Variants in HDAC8 observed in about 807,000 individuals in gnomAD.
HDAC8 encodes the protein histone deacetylase 8.
HDAC8 carries 1 observed loss-of-function variant against 32.2 expected under a neutral mutation model. The ratio of observed to expected loss-of-function variants is 0.03; its 90% CI spans 0.01 to 0.15. The LOEUF is 0.15. HDAC8 is among the 10% of genes least tolerant of loss of function. The probability of loss-of-function intolerance (pLI) is 1.00; values close to 1 mark genes in which losing one functional copy is unlikely to be tolerated. For missense variants in HDAC8, 117 were observed against 300.0 expected, an observed-to-expected ratio of 0.39 and a Z score of 4.51; for synonymous variants, 108 against 113.9, an observed-to-expected ratio of 0.95 and a Z score of 0.33.
At chrX:72,385,736 A>T (rs1473771596) in intron 9 of HDAC8, among the ~76,000 whole-genome samples, 3 of 111,832 alleles carry the variant, frequency 2.7e-5, no homozygotes, top group Non-Finnish European at 5.6e-5. Context: ...AATCCACACA[A>T]CAACCCTATG....
At chrX:72,446,494 G>A (rs782642359) in intron 9 of HDAC8, among the ~76,000 whole-genome samples, 234 of 109,842 alleles carry the variant, frequency 2.1e-3, no homozygotes, top group Non-Finnish European at 4.0e-3. Flanking sequence ...ATGAGAACAC[G>A]TGGACACAGG....
intron 9 of HDAC8, among the ~76,000 whole-genome samples, chrX:72,404,907 A>G (rs1304315328): frequency 9.0e-6 from 1 of 111,131 alleles, no homozygotes; most frequent in African/African-American, 3.3e-5. Flanking sequence ...TGTTGTTTTC[A>G]GAAATTCTGG....
At chrX:72,332,688 G>A (rs1017141784) in intron 10 of HDAC8, among the ~76,000 whole-genome samples, 5 of 107,077 alleles carry the variant, frequency 4.7e-5, no homozygotes, top group African/African-American at 1.4e-4. Context: ...GTCTCACTCT[G>A]TCACCCAGGC....
chrX:72,334,956 C>T (rs1472379886), intron 10 of HDAC8, among the ~76,000 whole-genome samples: 3 of 112,330 alleles, frequency 2.7e-5, no homozygotes, highest in Non-Finnish European at 3.8e-5. Flanking sequence ...GGCGTGTCTA[C>T]TCTGTGCCAG....
At chrX:72,564,927 T>C (rs1235323738) in intron 4 of HDAC8, among the ~76,000 whole-genome samples, 5 of 112,435 alleles carry the variant, frequency 4.4e-5, no homozygotes, top group Non-Finnish European at 7.5e-5. Context: ...TCCTAAGATA[T>C]AAATTTCTTG....
intron 4 of HDAC8, among the ~76,000 whole-genome samples, chrX:72,524,978 G>T (rs1944855376): frequency 9.0e-6 from 1 of 111,608 alleles, no homozygotes; most frequent in South Asian, 3.8e-4. Flanking sequence ...GGCATGGTTG[G>T]GGGTAGTTTC....
chrX:72,446,531 G>C (rs1484659379), intron 9 of HDAC8, among the ~76,000 whole-genome samples: 1 of 109,895 alleles, frequency 9.1e-6, no homozygotes, highest in African/African-American at 3.3e-5. Context: ...TCTGGGGACT[G>C]TTGCGGGGTG....
intron 7 of HDAC8, chrX:72,473,731 C>T (rs782356991): frequency 1.3e-6 from 1 of 752,744 alleles, no homozygotes; most frequent in Admixed American, 8.8e-5. Flanking sequence ...CACATTATGT[C>T]AATATAACAG....
chrX:72,549,117 T>C (rs67625365), intron 4 of HDAC8, among the ~76,000 whole-genome samples: 21,862 of 111,193 alleles, frequency 0.2, 1,846 homozygotes, highest in Non-Finnish European at 0.26. Context: ...CTGTTGCAGA[T>C]GCATGCGCTA....
Position 72,329,852 on chromosome X carries a change from A to G in HDAC8, c.*202T>C. On this transcript the variant is annotated 3_prime_UTR_variant, in exon 11 of 11. Transcript: ENST00000373573. Reference sequence around the variant, plus strand: ...ATGTGGGATATCTCCTTCTTCCCCTAGGTCCAGTTGAGGACTCTGGGGTGC... The same window carrying G: ...ATGTGGGATATCTCCTTCTTCCCCTGGGTCCAGTTGAGGACTCTGGGGTGC... The G allele has an allele frequency of 1.1e-6, 1 of 924,575 alleles. No homozygotes were observed. Among genetic ancestry groups the G allele is most frequent in the Non-Finnish European group, 1.5e-6 (1 of 663,367 alleles). 76.2% of individuals were successfully genotyped at this position (924,575 alleles called of 1,213,427 possible).
intron 9 of HDAC8, among the ~76,000 whole-genome samples, chrX:72,459,072 T>C (rs1370020749): frequency 1.8e-5 from 2 of 111,720 alleles, no homozygotes; most frequent in Admixed American, 9.5e-5. Flanking sequence ...AGCGAACTCC[T>C]AATCAGCCTC....
intron 10 of HDAC8, among the ~76,000 whole-genome samples, chrX:72,338,740 G>C (rs1417015350): frequency 1.2e-5 from 1 of 84,376 alleles, no homozygotes; most frequent in African/African-American, 4.4e-5. Flanking sequence ...TTATTTTTTG[G>C]GTTATTAACT....
chrX:72,361,068 T>A (rs1382282531), intron 9 of HDAC8, among the ~76,000 whole-genome samples: 7 of 110,104 alleles, frequency 6.4e-5, no homozygotes, highest in African/African-American at 2.3e-4. Context: ...CATGTGGAGG[T>A]GAAGATGGGG....
intron 9 of HDAC8, among the ~76,000 whole-genome samples, chrX:72,384,915 C>G (rs1380506075): frequency 9.0e-6 from 1 of 111,727 alleles, no homozygotes; most frequent in Non-Finnish European, 1.9e-5. Flanking sequence ...ATTTAGATAC[C>G]TTATCTTGGA....
At chrX:72,420,877 G>A (rs2046468156) in intron 9 of HDAC8, among the ~76,000 whole-genome samples, 1 of 111,239 alleles carries the variant, frequency 9.0e-6, no homozygotes, top group African/African-American at 3.3e-5. Flanking sequence ...TAAATTGCAT[G>A]TAGTTGGATT....
chrX:72,398,845 GT>G (rs782355298), intron 9 of HDAC8, among the ~76,000 whole-genome samples: 6 of 97,718 alleles, frequency 6.1e-5, no homozygotes, highest in Admixed American at 1.1e-4. Flanking sequence ...GGTACTTTAT[GT>G]TTTTTTTTTA....
At chrX:72,521,494 T>C (rs926253047) in intron 4 of HDAC8, among the ~76,000 whole-genome samples, 1 of 111,113 alleles carries the variant, frequency 9.0e-6, no homozygotes, top group African/African-American at 3.3e-5. Flanking sequence ...AACCAGGATT[T>C]CTGAGAGAAA....
intron 9 of HDAC8, among the ~76,000 whole-genome samples, chrX:72,448,990 C>T (rs2047497888): frequency 8.9e-6 from 1 of 111,996 alleles, no homozygotes; most frequent in African/African-American, 3.2e-5. Flanking sequence ...GAGTGTTCAA[C>T]CATTGTGGAA....
intron 9 of HDAC8, among the ~76,000 whole-genome samples, chrX:72,391,093 G>C (rs968376625): frequency 8.9e-6 from 1 of 111,920 alleles, no homozygotes; most frequent in African/African-American, 3.2e-5. Flanking sequence ...AGGTGTACCT[G>C]TATTAGCCAG....
Sources: gnomAD v4.1 joint callset for allele counts (sites outside exome capture counted in the v4.1 genomes callset) on GRCh38, gnomAD v4.1.1 for gene constraint, MANE v1.5 for transcripts, NCBI Gene and HGNC (gene_info 2026-07-23, HGNC 2026-07-21) for gene names.